Variants in CCN5 observed in about 807,000 individuals in gnomAD.
CCN5 encodes the protein CCN family member 5.
A neutral mutation model predicts 18.7 loss-of-function variants in CCN5; 17 were observed. The observed-to-expected ratio is 0.91, with a 90% CI of 0.62 to 1.36. The LOEUF is 1.36. CCN5 is among the 40% of genes most tolerant of loss of function. CCN5 has a pLI of 0.00. For missense variants in CCN5, 367 were observed against 342.9 expected (o/e 1.07, Z -0.56); for synonymous variants, 135 against 145.2 (o/e 0.93, Z 0.50).
chr20:44,719,546 C>T lies in CCN5; in HGVS notation c.61-351C>T, dbSNP rs146820328. 1.1e-4 allele frequency among the ~76,000 whole-genome samples: 16 copies of T among 152,176 alleles called. No homozygotes were observed. In the East Asian group the frequency reaches 2.7e-3, roughly 26 times the overall value. On this transcript the variant is annotated intron_variant, in intron 1 of 3. Coordinates refer to ENST00000190983, the MANE Select transcript of CCN5 (RefSeq NM_003881.4). ...GTGGGCGCCTGTAGTCCCAGCTACT[C>T]GGGAGGCTGAGGCACGAGAGTCGCT... is the stretch of plus-strand genomic sequence containing the variant.
At chr20:44,724,606 C>T (rs1450688068) in intron 2 of CCN5, 132 bp from the exon 3 acceptor site, 1 of 1,420,388 alleles carries the variant, frequency 7.0e-7, no homozygotes, top group Non-Finnish European at 9.4e-7. Flanking sequence ...GGTGCATATC[C>T]TGGGCTGGAG....
chr20:44,717,819 C>T (rs1047124669), intron 1 of CCN5, among the ~76,000 whole-genome samples: 3 of 148,754 alleles, frequency 2.0e-5, no homozygotes. Flanking sequence ...GCGAAGGTTG[C>T]AGTGAGTCGA....
intron 2 of CCN5, among the ~76,000 whole-genome samples, chr20:44,721,810 G>A (rs926154632): frequency 1.5e-4 from 23 of 152,134 alleles, no homozygotes; most frequent in Non-Finnish European, 7.3e-5. Flanking sequence ...AACCACATGA[G>A]GTAGGTACCC....
At chr20:44,720,205 A>G in intron 2 of CCN5, 92 bp downstream of exon 2, 7 of 1,350,256 alleles carry the variant, frequency 5.2e-6, no homozygotes, top group African/African-American at 1.5e-5. Flanking sequence ...TCCTCTCTCT[A>G]CCTCCTTGGG....
intron 3 of CCN5, among the ~76,000 whole-genome samples, chr20:44,726,527 T>C (rs534854376): frequency 7.3e-4 from 111 of 152,166 alleles, no homozygotes; most frequent in South Asian, 4.4e-3. Context: ...ATCCCCCCAG[T>C]TGTGATCACC....
chr20:44,724,485 G>T (rs2065921050), intron 2 of CCN5: 9 of 537,410 alleles, frequency 1.7e-5, no homozygotes, highest in Admixed American at 3.9e-5. Flanking sequence ...CTTGGCCCAG[G>T]TTCACAGCTA....
intron 1 of CCN5, among the ~76,000 whole-genome samples, 159 bp from the exon 2 acceptor site, chr20:44,719,738 C>T (rs901872443): frequency 2.6e-5 from 4 of 152,252 alleles, no homozygotes; most frequent in African/African-American, 9.6e-5. Flanking sequence ...CCTCTTAGGG[C>T]ATGTTGTGGG....
rs1242683395 is a variant in CCN5 at position 44,715,428 on chromosome 20, C to T, written c.38C>T (p.Ser13Phe). The change falls in exon 1 of 4, where the codon TCC becomes TTC. Residue 13 changes from serine (S) to phenylalanine (F), a missense_variant. Coordinates refer to ENST00000190983, the MANE Select transcript of CCN5 (RefSeq NM_003881.4). ...GTPKTHLLAF[S>F]LLCLLSKVRT... ...CCGAAGACCCACCTCCTGGCCTTCTCCCTCCTCTGCCTCCTCTCAAAGGTA... is the reference window on the plus strand; with the variant it reads ...CCGAAGACCCACCTCCTGGCCTTCTTCCTCCTCTGCCTCCTCTCAAAGGTA... The T allele has an allele frequency of 6.3e-7, 1 of 1,599,146 alleles. No homozygotes were observed. The highest frequency in any genetic ancestry group is 8.5e-7 in the Non-Finnish European group (1 of 1,173,094).
At chr20:44,719,429 C>T (rs780305294) in intron 1 of CCN5, among the ~76,000 whole-genome samples, 3 of 152,142 alleles carry the variant, frequency 2.0e-5, no homozygotes, top group East Asian at 1.9e-4. Context: ...CCGAGGCGGG[C>T]GGATTGCCTG....
chr20:44,717,969 G>A (rs2065871964), intron 1 of CCN5, among the ~76,000 whole-genome samples: 1 of 152,140 alleles, frequency 6.6e-6, no homozygotes, highest in Non-Finnish European at 1.5e-5. Flanking sequence ...TTTATAGAGG[G>A]GCTCCAGATG....
chr20:44,717,790 A>G (rs1181055615), intron 1 of CCN5, among the ~76,000 whole-genome samples: 2 of 151,864 alleles, frequency 1.3e-5, no homozygotes, highest in Admixed American at 1.3e-4. Flanking sequence ...GCCTCCCAAG[A>G]ATTGCTTGAA....
At chr20:44,715,207 A>C, upstream of CCN5, 3 of 597,854 alleles carry the variant, frequency 5.0e-6, no homozygotes, top group Non-Finnish European at 9.0e-6. Context: ...AAGCGAAGCA[A>C]GGAATGAAAA....
chr20:44,716,217 A>G (rs1423836191), intron 1 of CCN5, among the ~76,000 whole-genome samples: 2 of 152,152 alleles, frequency 1.3e-5, no homozygotes, highest in Non-Finnish European at 2.9e-5. Context: ...AATGACATGG[A>G]TGTAGGGGGA....
rs139611772 is a variant in CCN5, at chr20:44,722,286, A to G, written c.277+2173A>G. On this transcript the variant is annotated intron_variant, in intron 2 of 3. Coordinates refer to ENST00000190983, the MANE Select transcript of CCN5 (RefSeq NM_003881.4). ...GTTGAACGCTCTTCTCTAAGGGCCA[A>G]CTCTGAGCTGTGAGATGTGCTGCAG... Among the ~76,000 whole-genome samples the G allele has an allele frequency of 5.6e-3, 849 of 152,178 alleles. 2 individuals are homozygous for G. Among genetic ancestry groups the G allele is most frequent in the Non-Finnish European group, 8.7e-3 (594 of 67,986 alleles).
At position 44,719,997 on chromosome 20, in the gene CCN5, G is replaced by GGGTA; in HGVS notation, c.162_165dup (p.Cys56GlyfsTer47). ...GTGCTGGATGGCTGTGGCTGCTGCC[G>GGGTA]GGTATGTGCACGGCGGCTGGGGGAG... On this transcript the variant is annotated frameshift_variant, in exon 2 of 4. Coordinates refer to ENST00000190983, the MANE Select transcript of CCN5 (RefSeq NM_003881.4). LOFTEE classifies it high-confidence loss of function. The GGGTA allele has an allele frequency of 6.2e-7, 1 of 1,612,248 alleles. No homozygotes were observed. The highest frequency in any genetic ancestry group is 2.2e-5 in the East Asian group (1 of 44,854).
chr20:44,723,669 C>T (rs1289718481), intron 2 of CCN5: 1 of 152,222 alleles, frequency 6.6e-6, no homozygotes, highest in Non-Finnish European at 1.5e-5. Context: ...AGCTCACACG[C>T]TTCACCAGCG....
chr20:44,720,028 C>A lies in CCN5; in HGVS notation c.192C>A (p.Cys64Ter). 1 of 1,604,726 alleles carries A rather than the reference C, an allele frequency of 6.2e-7. No homozygotes were observed. Among genetic ancestry groups the A allele is most frequent in the East Asian group, 2.2e-5 (1 of 44,748 alleles). Residue 64 changes from cysteine to a stop codon, truncating the protein, a stop_gained, in exon 2 of 4, where the codon TGC (cysteine) becomes TGA (stop). Coordinates refer to ENST00000190983, the MANE Select transcript of CCN5 (RefSeq NM_003881.4). LOFTEE classifies it high-confidence loss of function. ...GTGCACGGCGGCTGGGGGAGCCCTG[C>A]GACCAACTCCACGTCTGCGACGCCA... ...RVCARRLGEP[C>*]DQLHVCDASQ...
At chr20:44,722,383 G>C (rs1462826747) in intron 2 of CCN5, among the ~76,000 whole-genome samples, 1 of 151,896 alleles carries the variant, frequency 6.6e-6, no homozygotes, top group Non-Finnish European at 1.5e-5. Flanking sequence ...GGCCTCCCCA[G>C]TCTGTTGAGA....
At chr20:44,724,101 A>G (rs2065918604) in intron 2 of CCN5, 1 of 152,312 alleles carries the variant, frequency 6.6e-6, no homozygotes, top group East Asian at 1.9e-4. Context: ...GGGTACGGAC[A>G]TGTCATCCCA....
Sources: allele counts gnomAD v4.1 joint callset (sites outside exome capture counted in the v4.1 genomes callset), GRCh38; gene constraint gnomAD v4.1.1; transcripts MANE v1.5; gene names NCBI Gene and HGNC (gene_info 2026-07-23, HGNC 2026-07-21).